AGO2: variants seen among roughly 807,000 people sequenced by gnomAD.
AGO2 encodes protein argonaute-2.
Under a neutral mutation model 102.3 loss-of-function variants are expected in AGO2, and 5 were observed. The observed-to-expected ratio is 0.05, with a 90% CI of 0.03 to 0.10. The LOEUF is 0.10. Ranked by LOEUF, AGO2 falls within the 10% of genes least tolerant of loss-of-function variation. The pLI, the probability that AGO2 is intolerant of heterozygous loss-of-function variation, is 1.00. For synonymous variants in AGO2, 449 were observed against 473.1 expected (o/e 0.95, Z 0.66); for missense variants, 541 against 1,183.7 (o/e 0.46, Z 7.97).
At chr8:140,569,331 C>T (rs2073342100) in intron 3 of AGO2, among the ~76,000 whole-genome samples, 1 of 152,250 alleles carries the variant, frequency 6.6e-6, no homozygotes, top group African/African-American at 2.4e-5. Flanking sequence ...GACACCGGTG[C>T]TGTCCACCAC....
chr8:140,550,985 T>C (rs1172308137), intron 11 of AGO2, among the ~76,000 whole-genome samples: 1 of 152,256 alleles, frequency 6.6e-6, no homozygotes, highest in Non-Finnish European at 1.5e-5. Flanking sequence ...CTGTAGTTCA[T>C]TGAATCCAAT....
chr8:140,613,125 G>A (rs576029393), intron 1 of AGO2, among the ~76,000 whole-genome samples: 22 of 150,666 alleles, frequency 1.5e-4, no homozygotes, highest in African/African-American at 4.4e-4. Flanking sequence ...GCGTGAACCC[G>A]GGAGGCGGAG....
intron 1 of AGO2, among the ~76,000 whole-genome samples, chr8:140,629,396 TG>T (rs2074314500): frequency 8.3e-6 from 1 of 120,234 alleles, no homozygotes. Flanking sequence ...AGTCACTGTA[TG>T]GGGGAAGTAA....
At chr8:140,553,553 G>C (rs1002410100) in intron 10 of AGO2, among the ~76,000 whole-genome samples, 2 of 151,896 alleles carry the variant, frequency 1.3e-5, no homozygotes, top group African/African-American at 4.8e-5. Flanking sequence ...GGGATTACAG[G>C]CATAGGCCAC....
intron 10 of AGO2, among the ~76,000 whole-genome samples, chr8:140,555,240 C>T (rs2073074536): frequency 1.3e-5 from 2 of 152,156 alleles, no homozygotes; most frequent in Admixed American, 6.5e-5. Flanking sequence ...ATGCTTGCAA[C>T]CGTGGTATGC....
chr8:140,585,489 TATC>T (rs2073642362), intron 1 of AGO2, among the ~76,000 whole-genome samples, 178 bp from the exon 2 acceptor site: 1 of 152,234 alleles, frequency 6.6e-6, no homozygotes, highest in Admixed American at 6.5e-5. Flanking sequence ...ACTTAAAATG[TATC>T]ATAACAACTC....
intron 2 of AGO2, among the ~76,000 whole-genome samples, chr8:140,577,543 C>T (rs373091201): frequency 1.3e-5 from 2 of 152,298 alleles, no homozygotes; most frequent in East Asian, 3.9e-4. Context: ...ATTTAACAAA[C>T]TCATCCTAAA....
intron 1 of AGO2, 131 bp from the exon 2 acceptor site, chr8:140,585,442 C>T (rs972138682): frequency 1.0e-6 from 1 of 996,958 alleles, no homozygotes; most frequent in Non-Finnish European, 1.5e-6. Flanking sequence ...ATATTGCATT[C>T]CACAGAGGAG....
chr8:140,594,789 A>C (rs1454619893), intron 1 of AGO2, among the ~76,000 whole-genome samples: 1 of 149,702 alleles, frequency 6.7e-6, no homozygotes, highest in East Asian at 1.9e-4. Context: ...AGCCTGGCTG[A>C]CACAGTGAGA....
At chr8:140,615,073 A>G (rs186821492) in intron 1 of AGO2, among the ~76,000 whole-genome samples, 1 of 152,330 alleles carries the variant, frequency 6.6e-6, no homozygotes, top group Non-Finnish European at 1.5e-5. Context: ...CACAGCATTT[A>G]AAACGTTCCA....
At position 140,549,169 on chromosome 8, in the gene AGO2, C is replaced by T. The variant is rs60474948; in HGVS notation, c.1533G>A (p.Thr511=). 2.0e-3 allele frequency: 3,304 copies of T among 1,613,456 alleles called. 54 individuals carry two copies. The African/African-American group carries it at 0.038, about 19-fold the overall frequency. ...VEPMFRHLKN[T]YAGLQLVVVI... is the part of the protein sequence containing the mutation. Reference sequence around the variant, plus strand: ...CCACCACCAGCTGCAGGCCCGCATACGTGTTCTTCAGGTGCCGGAACATGG... The same window carrying T: ...CCACCACCAGCTGCAGGCCCGCATATGTGTTCTTCAGGTGCCGGAACATGG... Residue 511 remains threonine, a synonymous_variant, in exon 12 of 19, where the codon ACG becomes ACA. Transcript: ENST00000220592.
intron 1 of AGO2, among the ~76,000 whole-genome samples, chr8:140,617,079 C>T (rs910467219): frequency 1.3e-5 from 2 of 152,202 alleles, no homozygotes; most frequent in Non-Finnish European, 2.9e-5. Flanking sequence ...AGTGGACCCC[C>T]CTCATCCCCA....
intron 4 of AGO2, 142 bp from the exon 5 acceptor site, chr8:140,560,652 C>T (rs117377585): frequency 0.016 from 16,268 of 1,015,790 alleles, 157 homozygotes; most frequent in South Asian, 0.024. Flanking sequence ...GTTTACCACA[C>T]GGCACTCCAG....
chr8:140,541,324 T>C lies in AGO2; in HGVS notation c.1874A>G (p.Tyr625Cys). 6.2e-7 allele frequency: 1 copy of C among 1,611,810 alleles called. No homozygotes were observed. Among genetic ancestry groups the C allele is most frequent in the South Asian group, 1.1e-5 (1 of 90,932 alleles). ...CTGCTGCACGCGCACGGTGGCGCAG[T>C]AGCGATTGGGGTGGGCGTCCATGCT... is the stretch of plus-strand genomic sequence containing the variant. Reference protein sequence around the residue: ...VGSMDAHPNRYCATVRVQQHR... With the variant: ...VGSMDAHPNRCCATVRVQQHR... Residue 625 changes from tyrosine to cysteine, a missense_variant, in exon 15 of 19, where the codon TAC becomes TGC. Physicochemically the swap from Tyr to Cys is radical, Grantham distance 194. Coordinates refer to ENST00000220592, the MANE Select transcript of AGO2 (RefSeq NM_012154.5).
chr8:140,583,931 G>A (rs537918792), intron 2 of AGO2, among the ~76,000 whole-genome samples: 2 of 152,072 alleles, frequency 1.3e-5, no homozygotes, highest in South Asian at 4.2e-4. Context: ...ACTACGTTAC[G>A]TGGGCTATGA....
Position 140,523,445 on chromosome 8 carries a change from C to T in AGO2, c.*8599G>A, listed in dbSNP as rs1263024210. ...AATTGATAAAACTAAGGGTTAAAAG[C>T]CCTCAATATGTATTAGGTAAGTAAT... On this transcript the variant is annotated 3_prime_UTR_variant, in exon 19 of 19. Transcript: ENST00000220592. 2 of 151,802 alleles carry T rather than the reference C, an allele frequency of 1.3e-5. No homozygotes were observed. Among genetic ancestry groups the T allele is most frequent in the Non-Finnish European group, 2.9e-5 (2 of 67,952 alleles). The allele number at this position is 151,802 out of a possible 1,614,324, so 9.4% of individuals were successfully genotyped here.
At chr8:140,632,896 TTTTTC>T (rs1289321435) in intron 1 of AGO2, among the ~76,000 whole-genome samples, 2 of 151,988 alleles carry the variant, frequency 1.3e-5, no homozygotes, top group Non-Finnish European at 2.9e-5. Context: ...CTATTTGTAA[TTTTTC>T]TTTTCTTTTT....
chr8:140,609,553 T>C (rs539592666), intron 1 of AGO2, among the ~76,000 whole-genome samples: 4 of 152,284 alleles, frequency 2.6e-5, no homozygotes, highest in Admixed American at 1.3e-4. Flanking sequence ...CCTCACTCCC[T>C]CAGGAATCTG....
the AGO2 span, among the ~76,000 whole-genome samples, chr8:140,641,644 C>T: frequency 6.6e-6 from 1 of 152,230 alleles, no homozygotes; most frequent in African/African-American, 2.4e-5. Context: ...AGTGCAGTGG[C>T]ATGATCTTGG....
Sources: gnomAD v4.1 joint callset for allele counts (sites outside exome capture counted in the v4.1 genomes callset) on GRCh38, gnomAD v4.1.1 for gene constraint, MANE v1.5 for transcripts, NCBI Gene and HGNC (gene_info 2026-07-23, HGNC 2026-07-21) for gene names.